Variants in CTNNA3 observed in about 807,000 individuals in gnomAD.
CTNNA3 encodes catenin alpha 3, also known as catenin alpha-3.
In CTNNA3, 76 loss-of-function variants were observed where a neutral mutation model predicts 95.7. The observed-to-expected ratio is 0.79, with a 90% confidence interval of 0.66 to 0.96. The LOEUF (loss-of-function observed/expected upper bound fraction) is 0.96, where lower values mean the gene tolerates loss of function less well. Ranked by LOEUF, CTNNA3 falls within the 40% of genes least tolerant of loss-of-function variation. The pLI, the probability that CTNNA3 is intolerant of heterozygous loss-of-function variation, is 0.00. For missense variants in CTNNA3, 1,191 were observed against 1,089.8 expected, an observed-to-expected ratio of 1.09 and a Z score of -1.31; for synonymous variants, 431 against 374.4, an observed-to-expected ratio of 1.15 and a Z score of -1.74.
At chr10:66,421,936 A>C (rs980638959) in intron 11 of CTNNA3, among the ~76,000 whole-genome samples, 2 of 148,928 alleles carry the variant, frequency 1.3e-5, no homozygotes, top group African/African-American at 4.9e-5. Flanking sequence ...ACAAGAAAAA[A>C]AGAATTCAGA....
chr10:67,747,951 C>A (rs536585006), intron 1 of CTNNA3, among the ~76,000 whole-genome samples: 2 of 152,064 alleles, frequency 1.3e-5, no homozygotes, highest in Admixed American at 1.3e-4. Flanking sequence ...AGCACGAGAA[C>A]TTTGTGATAC....
At chr10:67,409,358 G>A (rs1416016967) in intron 5 of CTNNA3, among the ~76,000 whole-genome samples, 1 of 152,150 alleles carries the variant, frequency 6.6e-6, no homozygotes, top group African/African-American at 2.4e-5. Context: ...ATGATAGACT[G>A]GATAAAGAAA....
intron 17 of CTNNA3, among the ~76,000 whole-genome samples, chr10:65,926,536 G>T (rs900229058): frequency 6.6e-6 from 1 of 151,042 alleles, no homozygotes; most frequent in Non-Finnish European, 1.5e-5. Flanking sequence ...GAGTGCAATG[G>T]TTCAATTTTG....
intron 2 of CTNNA3, among the ~76,000 whole-genome samples, chr10:67,641,908 A>G (rs1451728985): frequency 6.6e-6 from 1 of 152,156 alleles, no homozygotes; most frequent in East Asian, 1.9e-4. Flanking sequence ...ACCTAATGTA[A>G]ATGACAAGTT....
At chr10:66,602,507 G>A (rs1256272238) in intron 10 of CTNNA3, among the ~76,000 whole-genome samples, 1 of 151,770 alleles carries the variant, frequency 6.6e-6, no homozygotes, top group African/African-American at 2.4e-5. Flanking sequence ...CCACAAGCTT[G>A]AGTTCACTAT....
rs1008196864 is a variant in CTNNA3, at chr10:67,750,833, A to T, written c.-2+12601T>A. The T allele has an allele frequency of 6.2e-6, 10 of 1,610,800 alleles. No homozygotes were observed. The Admixed American group carries it at 1.0e-4, about 16-fold the overall frequency. ...CTGAAATATAAACCAGTGACTAACCAGGTTGAGTGTCACCCATACCTCACA... is the reference window on the plus strand; with the variant it reads ...CTGAAATATAAACCAGTGACTAACCTGGTTGAGTGTCACCCATACCTCACA... On this transcript the variant is annotated intron_variant, in intron 1 of 17. Coordinates refer to the CTNNA3 transcript ENST00000684154.
chr10:66,487,305 T>C (rs372680355), intron 11 of CTNNA3, among the ~76,000 whole-genome samples: 21 of 147,054 alleles, frequency 1.4e-4, no homozygotes, highest in Non-Finnish European at 2.2e-4. Flanking sequence ...GGGTTCACGC[T>C]GTTCTCCTGC....
At chr10:67,160,394 T>C (rs531220836) in intron 7 of CTNNA3, among the ~76,000 whole-genome samples, 1 of 150,844 alleles carries the variant, frequency 6.6e-6, no homozygotes, top group African/African-American at 2.4e-5. Context: ...AAATAAAAAG[T>C]AGCTGGAAGA....
At chr10:67,053,383 C>T (rs185319133) in intron 7 of CTNNA3, among the ~76,000 whole-genome samples, 208 of 152,204 alleles carry the variant, frequency 1.4e-3, no homozygotes, top group African/African-American at 4.8e-3. Flanking sequence ...TTAAGAGTAT[C>T]TCTAGTAATT....
At chr10:66,637,731 G>A (rs1258732925) in intron 9 of CTNNA3, among the ~76,000 whole-genome samples, 1 of 152,212 alleles carries the variant, frequency 6.6e-6, no homozygotes, top group Non-Finnish European at 1.5e-5. Context: ...GGGACACAGA[G>A]TACAAAGCGT....
At chr10:66,086,870 G>T (rs1441692743) in intron 14 of CTNNA3, among the ~76,000 whole-genome samples, 1 of 152,100 alleles carries the variant, frequency 6.6e-6, no homozygotes, top group East Asian at 1.9e-4. Context: ...TAGGCAGTTA[G>T]TGAGGGTGAA....
intron 5 of CTNNA3, among the ~76,000 whole-genome samples, chr10:67,365,618 T>G (rs1375125865): frequency 1.1e-4 from 17 of 152,068 alleles, no homozygotes; most frequent in Non-Finnish European, 1.9e-4. Flanking sequence ...AACAGACACA[T>G]GAAAAAATGC....
chr10:67,559,423 G>C (rs1841397114), intron 3 of CTNNA3, among the ~76,000 whole-genome samples: 1 of 152,222 alleles, frequency 6.6e-6, no homozygotes, highest in Non-Finnish European at 1.5e-5. Flanking sequence ...ACCTGCAGCT[G>C]AGGGTCCTGT....
At chr10:67,041,914 C>T (rs991487045) in intron 7 of CTNNA3, among the ~76,000 whole-genome samples, 3 of 152,012 alleles carry the variant, frequency 2.0e-5, no homozygotes, top group Non-Finnish European at 2.9e-5. Context: ...TTCATAAAAG[C>T]AATTGTACTG....
intron 13 of CTNNA3, among the ~76,000 whole-genome samples, chr10:66,192,988 G>T (rs10822744): frequency 0.57 from 85,993 of 151,834 alleles, 24,738 homozygotes; most frequent in African/African-American, 0.67. Context: ...GACATGTAGG[G>T]CCTTAATAAT....
chr10:67,455,941 G>A (rs1847156982), intron 5 of CTNNA3, among the ~76,000 whole-genome samples: 1 of 152,172 alleles, frequency 6.6e-6, no homozygotes, highest in South Asian at 2.1e-4. Flanking sequence ...TTTATTGGTT[G>A]TGACAAATGT....
chr10:67,631,710 T>C (rs1375458065), intron 2 of CTNNA3, among the ~76,000 whole-genome samples: 1 of 152,138 alleles, frequency 6.6e-6, no homozygotes, highest in Non-Finnish European at 1.5e-5. Context: ...TTTGTAACAG[T>C]AGCCAAAATA....
chr10:66,946,045 AAC>A, intron 7 of CTNNA3, among the ~76,000 whole-genome samples: 1 of 152,352 alleles, frequency 6.6e-6, no homozygotes, highest in African/African-American at 2.4e-5. Context: ...AACAAAATGT[AAC>A]ACAGAGACAT....
chr10:66,096,967 A>G (rs961710123), intron 14 of CTNNA3, among the ~76,000 whole-genome samples: 12 of 152,208 alleles, frequency 7.9e-5, no homozygotes, highest in Admixed American at 2.6e-4. Flanking sequence ...CTAAATGGTG[A>G]GGGAAATAAG....
Sources: allele counts gnomAD v4.1 joint callset (sites outside exome capture counted in the v4.1 genomes callset), GRCh38; gene constraint gnomAD v4.1.1; transcripts MANE v1.5; gene names NCBI Gene and HGNC (gene_info 2026-07-23, HGNC 2026-07-21).